EXOC6B: variants seen among roughly 807,000 people sequenced by gnomAD.
EXOC6B encodes SEC15 homolog B.
In EXOC6B, 54 loss-of-function variants were observed where a neutral mutation model predicts 113.5. The observed-to-expected ratio is 0.48, with a 90% CI of 0.38 to 0.60. EXOC6B has a LOEUF of 0.60. Ranked by LOEUF, EXOC6B falls within the 20% of genes least tolerant of loss-of-function variation. The probability of loss-of-function intolerance (pLI) is 0.00; values close to 1 mark genes in which losing one functional copy is unlikely to be tolerated. For synonymous variants in EXOC6B, 357 were observed against 339.0 expected (o/e 1.05, Z -0.58); for missense variants, 797 against 977.5 (o/e 0.82, Z 2.46).
Position 72,667,843 on chromosome 2 carries a change from C to T in EXOC6B, c.669+50260G>A, listed in dbSNP as rs185488880. Among the ~76,000 whole-genome samples, 192 of 152,214 alleles carry T rather than the reference C, an allele frequency of 1.3e-3. 1 individual carries two copies. Among genetic ancestry groups the T allele is most frequent in the East Asian group, 2.5e-3 (13 of 5,184 alleles). ...GAATTTATGGCTAAGTCCTCAAAAGCAATTGTAACAAAGATAAAAATTGAC... is the reference window on the plus strand; with the variant it reads ...GAATTTATGGCTAAGTCCTCAAAAGTAATTGTAACAAAGATAAAAATTGAC... On this transcript the variant is annotated intron_variant, in intron 6 of 21. Transcript: ENST00000272427.
chr2:72,178,865 T>C lies in EXOC6B; in HGVS notation c.*470A>G, dbSNP rs1276195958. The stretch of plus-strand genomic sequence containing the variant: ...CTGCCCTTAGTGTACTAAATAGTAA[T>C]GTTTGCCATGCCCTTTCCTTGTATT... On this transcript the variant is annotated 3_prime_UTR_variant, in exon 22 of 22. Transcript: ENST00000272427. 6.4e-6 allele frequency: 1 copy of C among 155,376 alleles called. No homozygotes were observed. The highest frequency in any genetic ancestry group is 1.9e-4 in the East Asian group (1 of 5,214). 9.6% of individuals were successfully genotyped at this position (155,376 alleles called of 1,614,324 possible).
chr2:72,794,026 C>T lies in EXOC6B; in HGVS notation c.113+31772G>A, dbSNP rs554331646. The stretch of plus-strand genomic sequence containing the variant: ...CAGGAAAGGGGTGTCCCCTGGGGCT[C>T]ATGAGAGATAAATACAAATTTATAA... On this transcript the variant is annotated intron_variant, in intron 1 of 21. Coordinates refer to ENST00000272427, the MANE Select transcript of EXOC6B (RefSeq NM_015189.3). Among the ~76,000 whole-genome samples the T allele has an allele frequency of 1.2e-3, 177 of 152,336 alleles. 1 individual carries two copies. Among genetic ancestry groups the T allele is most frequent in the Non-Finnish European group, 2.0e-3 (135 of 68,034 alleles).
chr2:72,650,894 CAAA>C (rs1178939498), intron 6 of EXOC6B, among the ~76,000 whole-genome samples: 1 of 146,242 alleles, frequency 6.8e-6, no homozygotes, highest in Non-Finnish European at 1.5e-5. Context: ...AAAAAAAAAA[CAAA>C]AAAACAAAAA....
intron 20 of EXOC6B, among the ~76,000 whole-genome samples, chr2:72,323,921 C>A (rs929809288): frequency 1.3e-5 from 2 of 151,800 alleles, no homozygotes; most frequent in African/African-American, 4.8e-5. Flanking sequence ...CACCATGGCA[C>A]GTGTATACCT....
intron 1 of EXOC6B, among the ~76,000 whole-genome samples, chr2:72,762,643 A>G (rs1359729364): frequency 6.6e-6 from 1 of 152,146 alleles, no homozygotes; most frequent in African/African-American, 2.4e-5. Flanking sequence ...CCGCACTATA[A>G]AAACTGTTAA....
intron 12 of EXOC6B, 33 bp from the exon 13 acceptor site, chr2:72,498,584 T>G (rs201644319): frequency 7.0e-7 from 1 of 1,425,646 alleles, no homozygotes; most frequent in Non-Finnish European, 9.5e-7. Flanking sequence ...CTTCAGTGTC[T>G]AAGGAAGGAG....
At chr2:72,433,279 G>A (rs1193135241) in intron 18 of EXOC6B, among the ~76,000 whole-genome samples, 1 of 152,128 alleles carries the variant, frequency 6.6e-6, no homozygotes, top group Non-Finnish European at 1.5e-5. Flanking sequence ...ATCTGTTTAG[G>A]TACCAGTGCC....
chr2:72,428,982 G>C (rs913354597), intron 18 of EXOC6B, among the ~76,000 whole-genome samples: 5 of 152,138 alleles, frequency 3.3e-5, no homozygotes, highest in Admixed American at 6.5e-5. Context: ...AGATCAAATA[G>C]ACCTTTTTAA....
chr2:72,788,693 G>A (rs994475781), intron 1 of EXOC6B, among the ~76,000 whole-genome samples: 1 of 152,200 alleles, frequency 6.6e-6, no homozygotes, highest in African/African-American at 2.4e-5. Context: ...AGCTACTCCA[G>A]AGGCTGAGGT....
chr2:72,456,485 G>C (rs1001789517), intron 18 of EXOC6B, among the ~76,000 whole-genome samples: 5 of 152,034 alleles, frequency 3.3e-5, no homozygotes, highest in African/African-American at 1.2e-4. Context: ...CAGATGAATA[G>C]GACAAGGTCT....
At chr2:72,638,994 A>G (rs1225231048) in intron 6 of EXOC6B, among the ~76,000 whole-genome samples, 1 of 152,122 alleles carries the variant, frequency 6.6e-6, no homozygotes, top group Non-Finnish European at 1.5e-5. Flanking sequence ...TAGCTTCTAC[A>G]CTGGCAGACA....
chr2:72,737,915 T>C (rs775408830), intron 2 of EXOC6B, among the ~76,000 whole-genome samples: 8 of 152,196 alleles, frequency 5.3e-5, no homozygotes, highest in Non-Finnish European at 1.2e-4. Context: ...TGAAACATTT[T>C]AGAATGTTTA....
At chr2:72,650,943 C>T (rs1674125430) in intron 6 of EXOC6B, among the ~76,000 whole-genome samples, 6 of 151,398 alleles carry the variant, frequency 4.0e-5, no homozygotes, top group Admixed American at 3.3e-4. Context: ...GCTATGATCA[C>T]ACCACTGCAC....
At chr2:72,189,771 T>C (rs1259122731) in intron 20 of EXOC6B, among the ~76,000 whole-genome samples, 1 of 141,636 alleles carries the variant, frequency 7.1e-6, no homozygotes, top group African/African-American at 2.6e-5. Context: ...TTCCCCTTTC[T>C]TTTCTCCTTT....
intron 21 of EXOC6B, chr2:72,182,824 G>T: frequency 1.9e-6 from 2 of 1,052,788 alleles, no homozygotes; most frequent in Non-Finnish European, 2.4e-6. Flanking sequence ...GTAGTCATTA[G>T]TGTCAATGAG....
intron 17 of EXOC6B, among the ~76,000 whole-genome samples, chr2:72,470,771 T>C (rs1698356374): frequency 6.7e-6 from 1 of 149,880 alleles, no homozygotes; most frequent in African/African-American, 2.5e-5. Flanking sequence ...TCCAGCTTCA[T>C]CCATGTCCCT....
intron 1 of EXOC6B, among the ~76,000 whole-genome samples, chr2:72,803,623 T>A (rs149735735): frequency 4.1e-4 from 62 of 152,162 alleles, no homozygotes; most frequent in African/African-American, 1.2e-3. Flanking sequence ...GGAGAAATAA[T>A]AAACACAGGG....
chr2:72,510,909 T>C (rs1034403206), intron 11 of EXOC6B, among the ~76,000 whole-genome samples: 2 of 151,954 alleles, frequency 1.3e-5, no homozygotes, highest in Non-Finnish European at 2.9e-5. Context: ...TGTAAACATA[T>C]AAATGTGTAA....
At chr2:72,486,236 G>C (rs1699414253) in intron 16 of EXOC6B, among the ~76,000 whole-genome samples, 1 of 152,002 alleles carries the variant, frequency 6.6e-6, no homozygotes, top group Admixed American at 6.6e-5. Flanking sequence ...GGGTGTGGTG[G>C]CACATGCCTG....
Sources: allele counts gnomAD v4.1 joint callset (sites outside exome capture counted in the v4.1 genomes callset), GRCh38; gene constraint gnomAD v4.1.1; transcripts MANE v1.5; gene names NCBI Gene and HGNC (gene_info 2026-07-23, HGNC 2026-07-21).